MMRN1: variants seen among roughly 807,000 people sequenced by gnomAD.
The protein encoded by MMRN1 is multimerin-1.
A neutral mutation model predicts 100.7 loss-of-function variants in MMRN1; 94 were observed. That is an observed-to-expected ratio of 0.93 (90% CI 0.79 to 1.11). The LOEUF (loss-of-function observed/expected upper bound fraction) is 1.11. Among genes scored for constraint, MMRN1 ranks in the 50% least tolerant of loss-of-function variants. The pLI, the probability that MMRN1 is intolerant of heterozygous loss-of-function variation, is 0.00. For missense variants in MMRN1, 1,606 were observed against 1,439.1 expected, an observed-to-expected ratio of 1.12 and a Z score of -1.88; for synonymous variants, 575 against 505.0, an observed-to-expected ratio of 1.14 and a Z score of -1.86.
chr4:89,898,978 A>G (rs1269044506), intron 1 of MMRN1, among the ~76,000 whole-genome samples: 1 of 152,190 alleles, frequency 6.6e-6, no homozygotes, highest in Non-Finnish European at 1.5e-5. Context: ...CTGAATGTGA[A>G]ATATGAGGAT....
intron 1 of MMRN1, among the ~76,000 whole-genome samples, chr4:89,906,356 AC>A (rs1721564766): frequency 6.6e-6 from 1 of 151,636 alleles, no homozygotes; most frequent in Admixed American, 6.6e-5. Flanking sequence ...CCTAGAACAA[AC>A]CTTTTACCTA....
chr4:89,921,601 C>T (rs2110612335), intron 3 of MMRN1, among the ~76,000 whole-genome samples: 1 of 152,212 alleles, frequency 6.6e-6, no homozygotes, highest in East Asian at 1.9e-4. Context: ...CAATCCATCC[C>T]CTAAATAATT....
intron 1 of MMRN1, among the ~76,000 whole-genome samples, chr4:89,882,922 C>T (rs969091192): frequency 2.0e-5 from 3 of 151,934 alleles, no homozygotes; most frequent in Non-Finnish European, 2.9e-5. Flanking sequence ...AATCTTTCCT[C>T]CTCTCCTCCC....
In MMRN1 at chr4:89,895,614, T is replaced by C; in HGVS notation, c.623+20T>C. On this transcript the variant is annotated intron_variant, in intron 1 of 7. Coordinates refer to ENST00000264790, the MANE Select transcript of MMRN1 (RefSeq NM_007351.3). ...AGGAAAGTAAGAAATCTTCTTTTCT[T>C]TTTGTTCTTTCTCTGTCTATCAGGT... is the stretch of plus-strand genomic sequence containing the variant. The C allele has an allele frequency of 6.2e-7, 1 of 1,601,658 alleles. No homozygotes were observed. The highest frequency in any genetic ancestry group is 8.5e-7 in the Non-Finnish European group (1 of 1,173,444).
rs773345022 is a variant in MMRN1 at position 89,895,342 on chromosome 4, A to C, written c.371A>C (p.Lys124Thr). The C allele has an allele frequency of 1.2e-6, 2 of 1,613,986 alleles. No individual in the cohort carries two copies. Among genetic ancestry groups the C allele is most frequent in the Non-Finnish European group, 8.5e-7 (1 of 1,179,936 alleles). ...ACCCTCCCAACCAACGCTAGCATCA[A>C]GTTCAATCCTGGAGCAGAATCAGTG... The part of the protein sequence containing the change: ...NLTLPTNASI[K>T]FNPGAESVVL... The change falls in exon 1 of 8, where the codon AAG becomes ACG. Residue 124 changes from lysine (K) to threonine (T), a missense_variant. Coordinates refer to ENST00000264790, the MANE Select transcript of MMRN1 (RefSeq NM_007351.3).
At chr4:89,920,088 T>C (rs1722041029) in intron 3 of MMRN1, among the ~76,000 whole-genome samples, 1 of 152,140 alleles carries the variant, frequency 6.6e-6, no homozygotes, top group Non-Finnish European at 1.5e-5. Flanking sequence ...ACAAAATACA[T>C]CCTTTATCAT....
chr4:89,914,671 A>T (rs527705144), intron 3 of MMRN1, among the ~76,000 whole-genome samples: 3 of 151,600 alleles, frequency 2.0e-5, no homozygotes, highest in African/African-American at 7.2e-5. Flanking sequence ...AGTTTGCACA[A>T]GGGTTTTGCC....
intron 1 of MMRN1, among the ~76,000 whole-genome samples, chr4:89,904,481 T>G (rs1361139034): frequency 1.3e-5 from 2 of 151,778 alleles, no homozygotes; most frequent in Non-Finnish European, 2.9e-5. Flanking sequence ...ACCATTCTAT[T>G]TTCTGTCTCT....
In MMRN1 at chr4:89,953,184, C is replaced by T. The variant is rs752252180; in HGVS notation, c.3453C>T (p.Ile1151=). ...YLGVYVFKYT[I]ESFSAHISGF... ...GAGTATATGTTTTCAAGTACACCATCGAGTCATTTAGTGCTCATATTTCTG... is the reference window on the plus strand; with the variant it reads ...GAGTATATGTTTTCAAGTACACCATTGAGTCATTTAGTGCTCATATTTCTG... The change falls in exon 8 of 8, where the codon ATC becomes ATT. Residue 1151 remains isoleucine, a synonymous_variant. Transcript: ENST00000264790. The T allele has an allele frequency of 8.1e-6, 13 of 1,613,626 alleles. No individual in the cohort carries two copies. Among genetic ancestry groups the T allele is most frequent in the East Asian group, 2.2e-5 (1 of 44,846 alleles).
rs1721147599 is a variant in MMRN1, at chr4:89,895,099, C to T, written c.128C>T (p.Ser43Leu). The T allele has an allele frequency of 1.2e-6, 2 of 1,613,802 alleles. No homozygotes were observed. Among genetic ancestry groups the T allele is most frequent in the Non-Finnish European group, 1.7e-6 (2 of 1,179,902 alleles). Residue 43 changes from serine to leucine, a missense_variant, in exon 1 of 8, where the codon TCA becomes TTA. Physicochemically the swap from Ser to Leu is moderately radical, Grantham distance 145. Coordinates refer to ENST00000264790, the MANE Select transcript of MMRN1 (RefSeq NM_007351.3). ...GNSQKTMPSA[S>L]VPPNKIQSLQ... ...TCTCAGAAGACTATGCCTTCTGCTT[C>T]AGTTCCTCCAAATAAAATACAAAGT... is the stretch of plus-strand genomic sequence containing the variant.
At chr4:89,896,630 A>G in intron 1 of MMRN1, among the ~76,000 whole-genome samples, 1 of 152,178 alleles carries the variant, frequency 6.6e-6, no homozygotes, top group Non-Finnish European at 1.5e-5. Context: ...ATGGGGTTAA[A>G]TATCTTACTA....
At chr4:89,892,350 T>G (rs1296236465), upstream of MMRN1, among the ~76,000 whole-genome samples, 2 of 151,422 alleles carry the variant, frequency 1.3e-5, no homozygotes, top group East Asian at 3.9e-4. Flanking sequence ...TGATATAGTT[T>G]AATCCAACAA....
At chr4:89,892,723 T>C (rs1422582540), upstream of MMRN1, among the ~76,000 whole-genome samples, 2 of 151,986 alleles carry the variant, frequency 1.3e-5, no homozygotes, top group African/African-American at 4.8e-5. Context: ...GTCAATACCT[T>C]ATAAGTGGTT....
chr4:89,923,123 G>C (rs762829732), intron 3 of MMRN1, 45 bp from the exon 4 acceptor site: 2 of 1,479,940 alleles, frequency 1.4e-6, no homozygotes, highest in Non-Finnish European at 1.9e-6. Flanking sequence ...AAATGAGGCT[G>C]TCCCAGTGCT....
chr4:89,896,334 T>C (rs1016428117), intron 1 of MMRN1, among the ~76,000 whole-genome samples: 6 of 152,134 alleles, frequency 3.9e-5, no homozygotes, highest in African/African-American at 1.4e-4. Context: ...AGAAAACTTA[T>C]TTTTCAAATT....
intron 1 of MMRN1, among the ~76,000 whole-genome samples, chr4:89,904,998 TA>T (rs1297489411): frequency 6.6e-6 from 1 of 151,670 alleles, no homozygotes; most frequent in African/African-American, 2.4e-5. Flanking sequence ...TACTAAGTGA[TA>T]TTTTTTAAAA....
At chr4:89,919,022 A>C (rs1198267116) in intron 3 of MMRN1, among the ~76,000 whole-genome samples, 2 of 151,718 alleles carry the variant, frequency 1.3e-5, no homozygotes, top group East Asian at 3.9e-4. Context: ...AATTTTATTA[A>C]GTTGACTTTT....
At position 89,895,247 on chromosome 4, in the gene MMRN1, T is replaced by C; in HGVS notation, c.276T>C (p.Ala92=). Residue 92 remains alanine (A), a synonymous_variant, in exon 1 of 8, where the codon GCT becomes GCC. Transcript: ENST00000264790. Reference sequence around the variant, plus strand: ...CTCCCTCAGAAACAAGTGCACCTGCTGAGGGTGTGAGAAATCAAACTCTCA... The same window carrying C: ...CTCCCTCAGAAACAAGTGCACCTGCCGAGGGTGTGAGAAATCAAACTCTCA... ...TLPPSETSAP[A]EGVRNQTLTS... is the part of the protein sequence containing the mutation. The C allele has an allele frequency of 6.2e-7, 1 of 1,613,874 alleles. No homozygotes were observed. Among genetic ancestry groups the C allele is most frequent in the East Asian group, 2.2e-5 (1 of 44,780 alleles).
chr4:89,927,739 CAACT>C (rs1722305576), intron 4 of MMRN1, 52 bp from the exon 5 acceptor site: 12 of 1,517,962 alleles, frequency 7.9e-6, no homozygotes, highest in Non-Finnish European at 1.1e-5. Context: ...AGTATGATAC[CAACT>C]ATGGGTCAAA....
Sources: gnomAD v4.1 joint callset for allele counts (sites outside exome capture counted in the v4.1 genomes callset) on GRCh38, gnomAD v4.1.1 for gene constraint, MANE v1.5 for transcripts, NCBI Gene and HGNC (gene_info 2026-07-23, HGNC 2026-07-21) for gene names.